The following PDE4D variants were observed in gnomAD, a reference collection of about 807,000 sequenced individuals.
PDE4D encodes 3',5'-cyclic-AMP phosphodiesterase 4D.
A neutral mutation model predicts 87.4 loss-of-function variants in PDE4D; 24 were observed. The ratio of observed to expected loss-of-function variants is 0.27; its 90% CI spans 0.20 to 0.39. The LOEUF (loss-of-function observed/expected upper bound fraction) is 0.39, where lower values mean the gene tolerates loss of function less well. PDE4D is among the 10% of genes least tolerant of loss of function. The probability of loss-of-function intolerance (pLI) is 1.00; values close to 1 mark genes in which losing one functional copy is unlikely to be tolerated. For missense variants in PDE4D, 714 were observed against 1,041.0 expected, an observed-to-expected ratio of 0.69 and a Z score of 4.32; for synonymous variants, 384 against 383.2, an observed-to-expected ratio of 1.00 and a Z score of -0.02.
intron 1 of PDE4D, among the ~76,000 whole-genome samples, chr5:60,331,729 G>A (rs1462116758): frequency 6.6e-6 from 1 of 152,188 alleles, no homozygotes; most frequent in East Asian, 1.9e-4. Flanking sequence ...CTGAAATGCA[G>A]GGCTGGGCAG....
intron 1 of PDE4D, among the ~76,000 whole-genome samples, chr5:59,852,583 T>G (rs1472111278): frequency 6.6e-6 from 1 of 152,092 alleles, no homozygotes; most frequent in African/African-American, 2.4e-5. Context: ...TCCTGATGTA[T>G]ATGACTGTAA....
intron 1 of PDE4D, among the ~76,000 whole-genome samples, chr5:60,495,836 G>A (rs749651155): frequency 6.6e-6 from 1 of 152,132 alleles, no homozygotes; most frequent in Non-Finnish European, 1.5e-5. Context: ...GATTACACAG[G>A]GGTATCTGAA....
intron 1 of PDE4D, among the ~76,000 whole-genome samples, chr5:60,261,126 TTATTG>T (rs1749606304): frequency 6.6e-6 from 1 of 152,298 alleles, no homozygotes; most frequent in Non-Finnish European, 1.5e-5. Context: ...GATATTTATT[TTATTG>T]AACATAGGAT....
chr5:60,357,680 G>A (rs1017530078), intron 1 of PDE4D, among the ~76,000 whole-genome samples: 1 of 152,100 alleles, frequency 6.6e-6, no homozygotes, highest in Non-Finnish European at 1.5e-5. Flanking sequence ...AAAGACTGAA[G>A]CAATGAGAAT....
intron 1 of PDE4D, among the ~76,000 whole-genome samples, chr5:59,671,475 G>A (rs1747190677): frequency 6.6e-6 from 1 of 152,112 alleles, no homozygotes; most frequent in Non-Finnish European, 1.5e-5. Context: ...TTTCTAAACA[G>A]TAAAGAGAAA....
intron 1 of PDE4D, among the ~76,000 whole-genome samples, chr5:60,257,576 TG>T (rs1266818051): frequency 1.3e-4 from 20 of 151,984 alleles, no homozygotes; most frequent in Admixed American, 1.3e-4. Context: ...TCTGATAAAA[TG>T]ACAAAGGACT....
At chr5:60,418,743 A>T (rs1742839061) in intron 1 of PDE4D, among the ~76,000 whole-genome samples, 1 of 152,096 alleles carries the variant, frequency 6.6e-6, no homozygotes, top group Non-Finnish European at 1.5e-5. Context: ...CAATCCAGTT[A>T]CACTCTCGGT....
intron 1 of PDE4D, among the ~76,000 whole-genome samples, chr5:59,607,796 C>T (rs1019013055): frequency 6.6e-5 from 10 of 152,188 alleles, no homozygotes; most frequent in African/African-American, 2.2e-4. Context: ...AGGAAGCAAG[C>T]TATCCATGCG....
intron 1 of PDE4D, among the ~76,000 whole-genome samples, chr5:59,532,537 G>C (rs1262496706): frequency 6.6e-6 from 1 of 152,174 alleles, no homozygotes; most frequent in Non-Finnish European, 1.5e-5. Context: ...TCATAGAGTG[G>C]TTTAGAGAAT....
intron 1 of PDE4D, among the ~76,000 whole-genome samples, chr5:59,447,857 T>TA (rs1456590331): frequency 5.9e-5 from 9 of 152,200 alleles, no homozygotes; most frequent in African/African-American, 2.2e-4. Flanking sequence ...ACAGAAGTTT[T>TA]AAAAAATCAC....
chr5:59,478,296 T>G (rs1175617012), intron 1 of PDE4D, among the ~76,000 whole-genome samples: 1 of 152,136 alleles, frequency 6.6e-6, no homozygotes. Context: ...TAGTAATTCT[T>G]GCCAGAGTAT....
At chr5:59,410,449 G>A (rs1454681285) in intron 1 of PDE4D, among the ~76,000 whole-genome samples, 2 of 152,092 alleles carry the variant, frequency 1.3e-5, no homozygotes, top group Non-Finnish European at 2.9e-5. Context: ...GTTTCATTAT[G>A]TTGGCCATAC....
At chr5:59,086,366 TTC>T (rs1179329401) in intron 5 of PDE4D, among the ~76,000 whole-genome samples, 3 of 152,170 alleles carry the variant, frequency 2.0e-5, no homozygotes, top group Non-Finnish European at 4.4e-5. Flanking sequence ...AAAGAATACC[TTC>T]TCCATCAAAT....
intron 5 of PDE4D, among the ~76,000 whole-genome samples, chr5:59,041,764 A>G (rs1561372572): frequency 6.6e-6 from 1 of 152,146 alleles, no homozygotes; most frequent in Admixed American, 6.5e-5. Flanking sequence ...CAAGTTCCCA[A>G]AGCTGTTCAG....
chr5:59,168,826 G>C lies in PDE4D; in HGVS notation c.808+11769C>G, dbSNP rs549101983. Among the ~76,000 whole-genome samples the C allele has an allele frequency of 4.6e-5, 7 of 152,228 alleles. No homozygotes were observed. In the South Asian group the frequency reaches 1.5e-3, roughly 32 times the overall value. On this transcript the variant is annotated intron_variant, in intron 5 of 14. Transcript: ENST00000340635. ...GGAGAGGACTTGACATTCTCCCTCTGAGTCAATCCGTACTTTGTAATTTTC... is the reference window on the plus strand; with the variant it reads ...GGAGAGGACTTGACATTCTCCCTCTCAGTCAATCCGTACTTTGTAATTTTC...
chr5:59,370,176 T>C (rs1783729919), intron 1 of PDE4D, among the ~76,000 whole-genome samples: 2 of 152,230 alleles, frequency 1.3e-5, no homozygotes, highest in South Asian at 4.1e-4. Context: ...TCCCTGCTTC[T>C]ACTCTTGCTC....
chr5:59,043,881 G>T (rs1760169983), intron 5 of PDE4D, among the ~76,000 whole-genome samples: 1 of 152,196 alleles, frequency 6.6e-6, no homozygotes, highest in African/African-American at 2.4e-5. Flanking sequence ...CAAAGGACAT[G>T]AACTCATCCT....
At chr5:59,349,849 T>G (rs1049666239) in intron 1 of PDE4D, among the ~76,000 whole-genome samples, 2 of 152,026 alleles carry the variant, frequency 1.3e-5, no homozygotes, top group Non-Finnish European at 2.9e-5. Flanking sequence ...ACCAATACCT[T>G]TATATTTATT....
chr5:59,320,666 T>C (rs573939905), intron 1 of PDE4D, among the ~76,000 whole-genome samples: 6 of 152,238 alleles, frequency 3.9e-5, no homozygotes, highest in Middle Eastern at 3.4e-3. Flanking sequence ...CACATTAATA[T>C]ATGACAAGAT....
Sources: gnomAD v4.1 joint callset for allele counts (sites outside exome capture counted in the v4.1 genomes callset) on GRCh38, gnomAD v4.1.1 for gene constraint, MANE v1.5 for transcripts, NCBI Gene and HGNC (gene_info 2026-07-23, HGNC 2026-07-21) for gene names.